GLOD5: variants seen among roughly 807,000 people sequenced by gnomAD.
The protein encoded by GLOD5 is glyoxalase domain containing 5, also known as glyoxalase domain-containing protein 5.
Under a neutral mutation model 9.9 loss-of-function variants are expected in GLOD5, and 7 were observed. The observed-to-expected ratio is 0.71, with a 90% CI of 0.40 to 1.33. The LOEUF is 1.33. GLOD5 is among the 40% of genes most tolerant of loss of function. The pLI is 0.01. For missense variants in GLOD5, 146 were observed against 128.4 expected (o/e 1.14, Z -0.66); for synonymous variants, 49 against 47.3 (o/e 1.04, Z -0.14).
At chrX:48,770,629 TTC>T (rs2062620031) in intron 2 of GLOD5, among the ~76,000 whole-genome samples, 1 of 111,460 alleles carries the variant, frequency 9.0e-6, no homozygotes, top group Non-Finnish European at 1.9e-5. Flanking sequence ...CCACTGAAAT[TTC>T]TGTTGTGTTT....
chrX:48,768,756 G>A lies in GLOD5; in HGVS notation c.202-2171G>A, dbSNP rs1055409411. 2.7e-5 allele frequency among the ~76,000 whole-genome samples: 3 copies of A among 111,993 alleles called. No homozygotes were observed. In the Admixed American group the frequency reaches 2.9e-4, roughly 11 times the overall value. On this transcript the variant is annotated intron_variant, in intron 2 of 3. Coordinates refer to ENST00000303227, the MANE Select transcript of GLOD5 (RefSeq NM_001080489.3). ...AAAAGTGAAATAAAGTTGGCCAGACGTGGTGGCTCACGCCTGTAATCCCAA... is the reference window on the plus strand; with the variant it reads ...AAAAGTGAAATAAAGTTGGCCAGACATGGTGGCTCACGCCTGTAATCCCAA...
chrX:48,762,547 T>G (rs2062599090), intron 1 of GLOD5, among the ~76,000 whole-genome samples: 1 of 106,402 alleles, frequency 9.4e-6, no homozygotes, highest in African/African-American at 3.4e-5. Context: ...CAAGCGATTC[T>G]CCTGCCTCAG....
chrX:48,764,697 G>A (rs1301789003), intron 1 of GLOD5, among the ~76,000 whole-genome samples: 3 of 108,160 alleles, frequency 2.8e-5, no homozygotes, highest in East Asian at 2.9e-4. Flanking sequence ...ACACGTGAGC[G>A]CCCCACAACC....
chrX:48,764,376 G>A (rs1413781798), intron 1 of GLOD5, among the ~76,000 whole-genome samples: 1 of 111,101 alleles, frequency 9.0e-6, no homozygotes, highest in Non-Finnish European at 1.9e-5. Flanking sequence ...ATCATCAATC[G>A]TTTTATAGCA....
chrX:48,765,565 G>C (rs782603389), intron 1 of GLOD5: 1 of 299,757 alleles, frequency 3.3e-6, no homozygotes, highest in African/African-American at 4.2e-5. Flanking sequence ...GCAACAGAGT[G>C]AGACTCTGTC....
At chrX:48,772,113 C>T (rs782427723) in intron 3 of GLOD5, among the ~76,000 whole-genome samples, 49 of 109,644 alleles carry the variant, frequency 4.5e-4, no homozygotes, top group Admixed American at 1.2e-3. Flanking sequence ...AGTGCATGCC[C>T]GTAATCCTAG....
At chrX:48,772,710 C>T (rs1266228217) in intron 3 of GLOD5, among the ~76,000 whole-genome samples, 1 of 110,581 alleles carries the variant, frequency 9.0e-6, no homozygotes, top group Non-Finnish European at 1.9e-5. Context: ...TGGTCGTTGA[C>T]CCAGACTGCC....
chrX:48,770,870 C>T lies in GLOD5; in HGVS notation c.202-57C>T, dbSNP rs150217399. The T allele has an allele frequency of 6.3e-6, 6 of 952,984 alleles. No homozygotes were observed. In the African/African-American group the frequency reaches 1.2e-4, roughly 19 times the overall value. 78.5% of individuals were successfully genotyped at this position (952,984 alleles called of 1,213,427 possible). On this transcript the variant is annotated intron_variant, in intron 2 of 3. Transcript: ENST00000303227. The stretch of plus-strand genomic sequence containing the variant: ...GGATAGGTGGAAAGGCTTCATCTCA[C>T]ACTCATCTTGGAGGTTTAATTCTAG...
chrX:48,773,229 CAAA>C (rs374553814), intron 3 of GLOD5, 78 bp from the exon 4 acceptor site: 586 of 900,750 alleles, frequency 6.5e-4, no homozygotes, highest in Middle Eastern at 9.6e-4. Context: ...GACTCTGTCA[CAAA>C]AAAAAAAAAA....
intron 1 of GLOD5, 117 bp from the exon 2 acceptor site, chrX:48,765,718 G>C: frequency 1.2e-6 from 1 of 830,796 alleles, no homozygotes. Flanking sequence ...CTTTCCCCTT[G>C]AAGGGGGGTG....
rs1557017737 is a variant in GLOD5 at position 48,773,465 on chromosome X, C to T, written c.*30C>T. 1 of 1,194,395 alleles carries T rather than the reference C, an allele frequency of 8.4e-7. No individual in the cohort carries two copies. Among genetic ancestry groups the T allele is most frequent in the South Asian group, 1.8e-5 (1 of 55,831 alleles). On this transcript the variant is annotated 3_prime_UTR_variant, in exon 4 of 4. Coordinates refer to ENST00000303227, the MANE Select transcript of GLOD5 (RefSeq NM_001080489.3). ...GGCTGGACCTCCTCCATTCTGTCCC[C>T]CTTGATGTCGCCCTCTCCTTTCCTT...
rs782175659 is a variant in GLOD5 at position 48,773,404 on chromosome X, T to C, written c.452T>C (p.Leu151Pro). The C allele has an allele frequency of 8.3e-7, 1 of 1,207,380 alleles. No homozygotes were observed. Among genetic ancestry groups the C allele is most frequent in the Non-Finnish European group, 1.1e-6 (1 of 894,051 alleles). ...TACTTCCGAGACCCCGACAGAAATC[T>C]GATTGAGGTGTCCAACTACATCTCC... ...SIYFRDPDRN[L>P]IEVSNYISS The change falls in exon 4 of 4, where the codon CTG becomes CCG. Residue 151 changes from leucine to proline, a missense_variant. Coordinates refer to ENST00000303227, the MANE Select transcript of GLOD5 (RefSeq NM_001080489.3).
chrX:48,769,645 G>C (rs1039010934), intron 2 of GLOD5, among the ~76,000 whole-genome samples: 11 of 111,801 alleles, frequency 9.8e-5, no homozygotes, highest in Non-Finnish European at 1.9e-4. Context: ...ATGTGAATGA[G>C]CTAAATTTTC....
intron 1 of GLOD5, among the ~76,000 whole-genome samples, chrX:48,764,352 C>T (rs782459556): frequency 2.7e-5 from 3 of 110,883 alleles, no homozygotes; most frequent in Non-Finnish European, 5.7e-5. Context: ...ACAAGATGAC[C>T]ACACATCATC....
chrX:48,768,954 C>T (rs1166417358), intron 2 of GLOD5, among the ~76,000 whole-genome samples: 1 of 107,610 alleles, frequency 9.3e-6, no homozygotes, highest in African/African-American at 3.4e-5. Context: ...TGCTTGAACT[C>T]AGGAGGCGGA....
At chrX:48,773,188 C>G (rs781882956) in intron 3 of GLOD5, 122 bp from the exon 4 acceptor site, 5 of 785,109 alleles carry the variant, frequency 6.4e-6, no homozygotes, top group Non-Finnish European at 9.3e-6. Context: ...TGAGATCTCA[C>G]CACTGCACTC....
chrX:48,766,995 A>AAAAAAAAAAAAAAAAAAAAAAACAAAC, intron 2 of GLOD5, among the ~76,000 whole-genome samples: 1 of 79,420 alleles, frequency 1.3e-5, no homozygotes, highest in African/African-American at 4.5e-5. Context: ...CAAAAAAAAA[A>AAAAAAAAAAAAAAAAAAAAAAACAAAC]AAAAAAAAAA....
In GLOD5 at chrX:48,765,952, A is replaced by G. The variant is rs200192031; in HGVS notation, c.181A>G (p.Met61Val). Residue 61 changes from methionine (M) to valine (V), a missense_variant, in exon 2 of 4, where the codon ATG (methionine) becomes GTG (valine). By Grantham distance (21) the Met-to-Val change is conservative. Coordinates refer to ENST00000303227, the MANE Select transcript of GLOD5 (RefSeq NM_001080489.3). Reference protein sequence around the residue: ...TTMFYSKILGMEVMTFKEDRK... With the variant: ...TTMFYSKILGVEVMTFKEDRK... ...CATGTTTTATTCCAAGATCCTGGGC[A>G]TGGAGGTCATGACTTTTAAGGTAAG... is the stretch of plus-strand genomic sequence containing the variant. 2.0e-3 allele frequency: 2,424 copies of G among 1,205,410 alleles called. 4 individuals carry two copies. Among genetic ancestry groups the G allele is most frequent in the Non-Finnish European group, 2.4e-3 (2,163 of 892,834 alleles).
chrX:48,766,632 T>C (rs1409771565), intron 2 of GLOD5, among the ~76,000 whole-genome samples: 1 of 109,916 alleles, frequency 9.1e-6, no homozygotes, highest in Non-Finnish European at 1.9e-5. Flanking sequence ...ACGCCTGTAA[T>C]CCCAGCTACT....
Sources: gnomAD v4.1 joint callset for allele counts (sites outside exome capture counted in the v4.1 genomes callset) on GRCh38, gnomAD v4.1.1 for gene constraint, MANE v1.5 for transcripts, NCBI Gene and HGNC (gene_info 2026-07-23, HGNC 2026-07-21) for gene names.